The following ATP8B1 variants were observed in gnomAD, a reference collection of about 807,000 sequenced individuals.
The protein encoded by ATP8B1 is phospholipid-transporting ATPase IC.
In ATP8B1, 80 loss-of-function variants were observed where a neutral mutation model predicts 149.9. That is an observed-to-expected ratio of 0.53 (90% CI 0.45 to 0.64). The LOEUF (loss-of-function observed/expected upper bound fraction) is 0.64, where lower values mean the gene tolerates loss of function less well. Among genes scored for constraint, ATP8B1 ranks in the 30% least tolerant of loss-of-function variants. The pLI is 0.00. For missense variants in ATP8B1, 1,247 were observed against 1,552.6 expected, an observed-to-expected ratio of 0.80 and a Z score of 3.31; for synonymous variants, 536 against 562.8, an observed-to-expected ratio of 0.95 and a Z score of 0.67.
At chr18:57,708,308 G>A (rs935409374) in intron 2 of ATP8B1, among the ~76,000 whole-genome samples, 2 of 151,964 alleles carry the variant, frequency 1.3e-5, no homozygotes, top group African/African-American at 4.8e-5. Context: ...CATAACAGTT[G>A]TGTTATTACA....
At position 57,679,155 on chromosome 18, in the gene ATP8B1, G is replaced by A. The variant is rs1048816409; in HGVS notation, c.1631-4133C>T. ...CTGAGGCAGGAGAATGCATGAACCC[G>A]GGAGGCAGAGCTTGCAGTGAGCCGA... On this transcript the variant is annotated intron_variant, in intron 15 of 27. Transcript: ENST00000648908. Among the ~76,000 whole-genome samples, 7 of 151,778 alleles carry A rather than the reference G, an allele frequency of 4.6e-5. No individual in the cohort carries two copies. In the South Asian group the frequency reaches 8.3e-4, roughly 18 times the overall value.
chr18:57,688,008 C>T (rs1203043924), intron 13 of ATP8B1, among the ~76,000 whole-genome samples: 1 of 152,080 alleles, frequency 6.6e-6, no homozygotes, highest in Non-Finnish European at 1.5e-5. Flanking sequence ...GTCTCAAATC[C>T]CTGACCTCTT....
At chr18:57,691,729 C>G in intron 12 of ATP8B1, 78 bp downstream of exon 12, 1 of 1,524,706 alleles carries the variant, frequency 6.6e-7, no homozygotes, top group African/African-American at 1.4e-5. Context: ...ACAGTGATCA[C>G]TAGAAATGAA....
chr18:57,653,612 A>G (rs902820779), intron 24 of ATP8B1, among the ~76,000 whole-genome samples: 1 of 150,664 alleles, frequency 6.6e-6, no homozygotes, highest in Non-Finnish European at 1.5e-5. Flanking sequence ...GTAAGCTCTT[A>G]CTGTCTAAAA....
chr18:57,740,386 TATA>T lies in ATP8B1; in HGVS notation c.-25-8557_-25-8555del, dbSNP rs978021435. ...GTAAAATATTTAACATATCGTAATA[TATA>T]ATAAGTATGAATTATATTTCTATAT... On this transcript the variant is annotated intron_variant, in intron 1 of 27. Transcript: ENST00000648908. 5.3e-5 allele frequency: 8 copies of T among 152,198 alleles called. No individual in the cohort carries two copies. In the East Asian group the frequency reaches 9.6e-4, roughly 18 times the overall value. 9.4% of individuals were successfully genotyped at this position (152,198 alleles called of 1,614,324 possible). A position where few individuals can be genotyped will look rare whatever the true frequency, so the allele number is the denominator to read the frequency against.
intron 1 of ATP8B1, among the ~76,000 whole-genome samples, chr18:57,787,939 G>A (rs1466106766): frequency 1.3e-5 from 2 of 152,062 alleles, no homozygotes; most frequent in African/African-American, 2.4e-5. Flanking sequence ...AGGCTGAGGC[G>A]GGAGGATCCC....
At chr18:57,717,391 C>CA (rs1489551632) in intron 2 of ATP8B1, among the ~76,000 whole-genome samples, 1 of 150,568 alleles carries the variant, frequency 6.6e-6, no homozygotes, top group Admixed American at 6.6e-5. Flanking sequence ...TAAAAAAATA[C>CA]AAAAAACTTA....
intron 2 of ATP8B1, among the ~76,000 whole-genome samples, chr18:57,726,456 A>G (rs576665236): frequency 1.3e-5 from 2 of 152,312 alleles, no homozygotes; most frequent in Non-Finnish European, 2.9e-5. Context: ...ATTTTAAATG[A>G]TAGATTCTTC....
rs1910917484 is a variant in ATP8B1 at position 57,667,186 on chromosome 18, A to G, written c.2210-19T>C. ...GCAGTTTCTACAATAGAATAAAATTAAGTCAAATGTCATTCCTGCTGTTTT... is the reference window on the plus strand; with the variant it reads ...GCAGTTTCTACAATAGAATAAAATTGAGTCAAATGTCATTCCTGCTGTTTT... On this transcript the variant is annotated intron_variant, in intron 19 of 27. Transcript: ENST00000648908. 1 of 1,572,172 alleles carries G rather than the reference A, an allele frequency of 6.4e-7. No individual in the cohort carries two copies.
chr18:57,677,492 G>GCAGCTGTTTATCCGC (rs139762207), intron 15 of ATP8B1, among the ~76,000 whole-genome samples: 110,699 of 151,672 alleles, frequency 0.73, 40,758 homozygotes, highest in Admixed American at 0.8. Context: ...AGATGCATGA[G>GCAGCTGTTTATCCGC]CAGCCTCACT....
chr18:57,660,044 C>T (rs1417287522), intron 22 of ATP8B1, among the ~76,000 whole-genome samples: 2 of 151,934 alleles, frequency 1.3e-5, no homozygotes, highest in Non-Finnish European at 1.5e-5. Flanking sequence ...AAGGTGACAC[C>T]GGATTTTGGC....
At chr18:57,698,384 C>T (rs1912937213) in intron 6 of ATP8B1, among the ~76,000 whole-genome samples, 1 of 151,952 alleles carries the variant, frequency 6.6e-6, no homozygotes, top group Non-Finnish European at 1.5e-5. Context: ...TGCTCTGTTG[C>T]CCAGGCTGGA....
intron 21 of ATP8B1, among the ~76,000 whole-genome samples, chr18:57,661,722 T>A (rs976527329): frequency 0.012 from 1,663 of 138,280 alleles, 21 homozygotes; most frequent in East Asian, 0.038. Context: ...TATTTTTTTT[T>A]TTTTTTTTTT....
intron 14 of ATP8B1, among the ~76,000 whole-genome samples, chr18:57,684,472 G>A (rs1912135723): frequency 6.6e-6 from 1 of 151,954 alleles, no homozygotes; most frequent in South Asian, 2.1e-4. Context: ...CACCTCCTGG[G>A]CTCAAGCAAT....
rs906857413 is a variant in ATP8B1 at position 57,674,956 on chromosome 18, C to T, written c.1697G>A (p.Gly566Asp). ...CTGGGTCCTGGCGAGGAAGGCAAAG[C>T]CAAAGTTCCTGGCAGCGTTTACCAG... ...GALVNAARNFGFAFLARTQNT... is the reference protein window; with the variant it reads ...GALVNAARNFDFAFLARTQNT... The change falls in exon 16 of 28, where the codon GGC becomes GAC. Residue 566 changes from glycine (G) to aspartate (D), a missense_variant. This residue lies in a region of ATP8B1 where 853 missense variants were observed against 1,035.7 expected (regional missense o/e 0.82). Transcript: ENST00000648908. The T allele has an allele frequency of 6.2e-7, 1 of 1,614,106 alleles. No homozygotes were observed. Among genetic ancestry groups the T allele is most frequent in the Non-Finnish European group, 8.5e-7 (1 of 1,180,060 alleles).
At position 57,695,189 on chromosome 18, in the gene ATP8B1, C is replaced by T. The variant is rs1007521320; in HGVS notation, c.922G>A (p.Gly308Ser). ...AACGTACCTGCAAAAATGACTAAGC[C>T]GTGGCAGAAATCGGTGTTCCTAATT... The part of the protein sequence containing the change: ...CVIRNTDFCH[G>S]LVIFAGADTK... Residue 308 changes from glycine (G) to serine (S), a missense_variant, in exon 10 of 28, where the codon GGC (glycine) becomes AGC (serine). Physicochemically the swap from Gly to Ser is moderately conservative, Grantham distance 56. This residue lies in a region of ATP8B1 where 853 missense variants were observed against 1,035.7 expected (regional missense o/e 0.82). Transcript: ENST00000648908. 5 of 1,613,882 alleles carry T rather than the reference C, an allele frequency of 3.1e-6. No individual in the cohort carries two copies. The highest frequency in any genetic ancestry group is 2.2e-5 in the East Asian group (1 of 44,880).
At chr18:57,655,039 A>G (rs2122586829) in intron 23 of ATP8B1, among the ~76,000 whole-genome samples, 155 bp downstream of exon 23, 1 of 152,354 alleles carries the variant, frequency 6.6e-6, no homozygotes, top group Middle Eastern at 3.4e-3. Context: ...AAACATTTAG[A>G]GAAGTCATGA....
intron 23 of ATP8B1, 47 bp from the exon 24 acceptor site, chr18:57,654,122 C>T: frequency 6.7e-7 from 1 of 1,494,646 alleles, no homozygotes; most frequent in South Asian, 1.1e-5. Context: ...AAGACACATG[C>T]CAGCCTAGTT....
At position 57,701,437 on chromosome 18, in the gene ATP8B1, C is replaced by T. The variant is rs552974076; in HGVS notation, c.394-124G>A. Reference sequence around the variant, plus strand: ...CACCGTCATCACATAAGTCTACATCCTGCAGAGTATATAGGAAAGGCTCTT... The same window carrying T: ...CACCGTCATCACATAAGTCTACATCTTGCAGAGTATATAGGAAAGGCTCTT... On this transcript the variant is annotated intron_variant, in intron 4 of 27. Transcript: ENST00000648908. The T allele has an allele frequency of 3.9e-5, 33 of 854,532 alleles. 2 individuals carry two copies. In the South Asian group the frequency reaches 4.5e-4, roughly 12 times the overall value. 52.9% of individuals were successfully genotyped at this position (854,532 alleles called of 1,614,324 possible). A position where few individuals can be genotyped will look rare whatever the true frequency, so the allele number is the denominator to read the frequency against.
Sources: gnomAD v4.1 joint callset for allele counts (sites outside exome capture counted in the v4.1 genomes callset) on GRCh38, gnomAD v4.1.1 for gene constraint, gnomAD v4.1.1 regional missense constraint, MANE v1.5 for transcripts, NCBI Gene and HGNC (gene_info 2026-07-23, HGNC 2026-07-21) for gene names.